The following MRPS35 variants were observed in gnomAD, a reference collection of about 807,000 sequenced individuals.
MRPS35 encodes small ribosomal subunit protein mS35.
A neutral mutation model predicts 32.7 loss-of-function variants in MRPS35; 29 were observed. That is an observed-to-expected ratio of 0.89 (90% CI 0.66 to 1.21). The LOEUF (loss-of-function observed/expected upper bound fraction) is 1.21. Ranked by LOEUF, MRPS35 falls within the 50% of genes most tolerant of loss-of-function variation. The pLI, the probability that MRPS35 is intolerant of heterozygous loss-of-function variation, is 0.00. For missense variants in MRPS35, 373 were observed against 383.8 expected (o/e 0.97, Z 0.23); for synonymous variants, 148 against 139.3 (o/e 1.06, Z -0.44).
chr12:27,750,582 C>T (rs1035205247), intron 7 of MRPS35, among the ~76,000 whole-genome samples: 3 of 152,120 alleles, frequency 2.0e-5, no homozygotes, highest in Admixed American at 6.5e-5. Context: ...GCAGGTGGAT[C>T]ACTTGAGCCC....
intron 3 of MRPS35, among the ~76,000 whole-genome samples, chr12:27,717,564 A>G (rs2061855782): frequency 6.6e-6 from 1 of 152,236 alleles, no homozygotes; most frequent in Non-Finnish European, 1.5e-5. Flanking sequence ...AAAGTTTGCT[A>G]AAAGGTGATG....
At chr12:27,728,081 C>T (rs906968286) in intron 5 of MRPS35, among the ~76,000 whole-genome samples, 3 of 151,974 alleles carry the variant, frequency 2.0e-5, no homozygotes, top group South Asian at 2.1e-4. Context: ...ATGTGGAGCC[C>T]GTGGAGACAA....
intron 5 of MRPS35, among the ~76,000 whole-genome samples, chr12:27,728,513 A>G (rs1239756161): frequency 6.6e-6 from 1 of 152,148 alleles, no homozygotes; most frequent in Non-Finnish European, 1.5e-5. Flanking sequence ...TAATTCCAAT[A>G]CTATTACCAC....
At chr12:27,727,052 C>T (rs920333450) in intron 5 of MRPS35, among the ~76,000 whole-genome samples, 1 of 151,480 alleles carries the variant, frequency 6.6e-6, no homozygotes, top group African/African-American at 2.4e-5. Flanking sequence ...GCTCCGCCTC[C>T]TGGGTTCACA....
chr12:27,734,441 G>A (rs772570485), intron 5 of MRPS35, among the ~76,000 whole-genome samples: 13 of 151,896 alleles, frequency 8.6e-5, no homozygotes. Context: ...GGGTATCTCC[G>A]TGTTGGTCAG....
intron 4 of MRPS35, among the ~76,000 whole-genome samples, chr12:27,720,522 A>G (rs576788582): frequency 1.3e-5 from 2 of 152,090 alleles, no homozygotes; most frequent in Admixed American, 1.3e-4. Context: ...TGACACATGC[A>G]TGTGGTAAAT....
chr12:27,714,228 G>A (rs562703065), intron 1 of MRPS35, among the ~76,000 whole-genome samples: 30 of 152,216 alleles, frequency 2.0e-4, no homozygotes, highest in Non-Finnish European at 3.5e-4. Flanking sequence ...TTACTTGACA[G>A]ACTCTGTAAG....
intron 1 of MRPS35, among the ~76,000 whole-genome samples, chr12:27,714,567 T>C (rs1189582555): frequency 1.4e-5 from 2 of 145,358 alleles, no homozygotes; most frequent in African/African-American, 2.6e-5. Flanking sequence ...ATCTGGGTGA[T>C]ACGCCGAGAC....
chr12:27,721,439 C>G (rs552307138), intron 4 of MRPS35, among the ~76,000 whole-genome samples: 4 of 152,242 alleles, frequency 2.6e-5, no homozygotes, highest in African/African-American at 9.6e-5. Context: ...GGGTGGATTG[C>G]TTGAGCTCAG....
At chr12:27,754,151 G>A (rs1219172500) in intron 7 of MRPS35, among the ~76,000 whole-genome samples, 7 of 152,108 alleles carry the variant, frequency 4.6e-5, no homozygotes, top group Non-Finnish European at 1.0e-4. Context: ...CTACTCAGGA[G>A]GCTGAGGCAA....
intron 7 of MRPS35, among the ~76,000 whole-genome samples, chr12:27,751,132 GAAAAGAA>G (rs2062001491): frequency 3.6e-4 from 44 of 122,298 alleles, no homozygotes; most frequent in Middle Eastern, 4.2e-3. Context: ...AAAAAGAAAA[GAAAAGAA>G]AAAGGAAAAG....
chr12:27,717,890 G>C (rs2061857486), intron 3 of MRPS35, among the ~76,000 whole-genome samples: 1 of 152,154 alleles, frequency 6.6e-6, no homozygotes, highest in East Asian at 1.9e-4. Context: ...AAAGTGCATA[G>C]AACTGTGCCT....
At chr12:27,734,242 CTT>C (rs34818669) in intron 5 of MRPS35, among the ~76,000 whole-genome samples, 12,605 of 135,296 alleles carry the variant, frequency 0.093, 1,525 homozygotes, top group African/African-American at 0.32. Context: ...AACCTATCTT[CTT>C]TTTTTTTTTT....
intron 3 of MRPS35, among the ~76,000 whole-genome samples, chr12:27,717,279 A>G (rs1483854057): frequency 6.6e-6 from 1 of 152,230 alleles, no homozygotes; most frequent in Non-Finnish European, 1.5e-5. Context: ...CTTCCAGTTT[A>G]AAAAGAGGAA....
At position 27,751,184 on chromosome 12, in the gene MRPS35, C is replaced by G. The variant is rs558614416; in HGVS notation, c.703-3997C>G. On this transcript the variant is annotated intron_variant, in intron 7 of 7. Transcript: ENST00000081029. ...AATGTGAATTTTGTTTAGTTTGCAA[C>G]TGAGGCTGAACACTGCATTGTTTTC... 5.4e-5 allele frequency among the ~76,000 whole-genome samples: 8 copies of G among 148,994 alleles called. No homozygotes were observed. In the East Asian group the frequency reaches 1.4e-3, roughly 26 times the overall value.
At chr12:27,746,869 AC>A (rs2061983374) in intron 7 of MRPS35, among the ~76,000 whole-genome samples, 1 of 152,146 alleles carries the variant, frequency 6.6e-6, no homozygotes, top group Admixed American at 6.5e-5. Flanking sequence ...TTTTATCCCT[AC>A]CGCTACAGTC....
At chr12:27,755,064 T>C in intron 7 of MRPS35, 117 bp from the exon 8 acceptor site, 1 of 1,261,612 alleles carries the variant, frequency 7.9e-7, no homozygotes, top group Non-Finnish European at 1.1e-6. Flanking sequence ...TTTTGCAAAC[T>C]TCTCTTCCCT....
intron 4 of MRPS35, among the ~76,000 whole-genome samples, chr12:27,722,270 A>G (rs970164563): frequency 6.6e-6 from 1 of 152,174 alleles, no homozygotes; most frequent in Admixed American, 6.5e-5. Context: ...TAACTTGCAA[A>G]TGGAAAATCT....
intron 7 of MRPS35, chr12:27,752,848 G>C (rs1273435310): frequency 6.6e-6 from 1 of 151,996 alleles, no homozygotes; most frequent in African/African-American, 2.4e-5. Context: ...CAGAGTTGTG[G>C]GCGAGAGGCA....
Sources: allele counts gnomAD v4.1 joint callset (sites outside exome capture counted in the v4.1 genomes callset), GRCh38; gene constraint gnomAD v4.1.1; transcripts MANE v1.5; gene names NCBI Gene and HGNC (gene_info 2026-07-23, HGNC 2026-07-21).